PDLIM5: variants seen among roughly 807,000 people sequenced by gnomAD.
PDLIM5 encodes PDZ and LIM domain protein 5.
In PDLIM5, 34 loss-of-function variants were observed where a neutral mutation model predicts 64.2. The observed-to-expected ratio is 0.53, with a 90% CI of 0.40 to 0.71. The LOEUF is 0.71. Ranked by LOEUF, PDLIM5 falls within the 30% of genes least tolerant of loss-of-function variation. The pLI, the probability that PDLIM5 is intolerant of heterozygous loss-of-function variation, is 0.00. For synonymous variants in PDLIM5, 253 were observed against 269.1 expected (o/e 0.94, Z 0.59); for missense variants, 683 against 733.6 (o/e 0.93, Z 0.80).
At chr4:94,641,841 A>G (rs924801025) in intron 9 of PDLIM5, among the ~76,000 whole-genome samples, 12 of 152,222 alleles carry the variant, frequency 7.9e-5, no homozygotes, top group African/African-American at 2.9e-4. Context: ...AGTATTCAAC[A>G]CACAGAAGGC....
At chr4:94,641,643 A>G (rs961305521) in intron 9 of PDLIM5, among the ~76,000 whole-genome samples, 1 of 152,232 alleles carries the variant, frequency 6.6e-6, no homozygotes, top group African/African-American at 2.4e-5. Context: ...ACATTCACAC[A>G]TAAGGACAGA....
At chr4:94,470,921 A>G (rs184422800) in intron 2 of PDLIM5, among the ~76,000 whole-genome samples, 56 of 152,326 alleles carry the variant, frequency 3.7e-4, no homozygotes, top group Admixed American at 3.7e-3. Flanking sequence ...GGGAGGCCTC[A>G]TAATCATGGT....
At chr4:94,543,666 T>C (rs1732031346) in intron 3 of PDLIM5, among the ~76,000 whole-genome samples, 1 of 152,086 alleles carries the variant, frequency 6.6e-6, no homozygotes, top group Non-Finnish European at 1.5e-5. Flanking sequence ...TAGGAGATCA[T>C]GCGGTATTTG....
Position 94,573,375 on chromosome 4 carries a change from G to A in PDLIM5, c.273G>A (p.Glu91=), listed in dbSNP as rs754953767. The change falls in exon 4 of 13, where the codon GAG becomes GAA. Residue 91 remains glutamate (E), a synonymous_variant. Coordinates refer to ENST00000317968, the MANE Select transcript of PDLIM5 (RefSeq NM_006457.5). ...GAGCATCTGCTGCACCCAAGCCTGA[G>A]CCGGTTCCTGTTCAAAAGGTGTGTT... ...LQRASAAPKP[E]PVPVQKGEPK... The A allele has an allele frequency of 1.1e-5, 18 of 1,612,242 alleles. No homozygotes were observed. Among genetic ancestry groups the A allele is most frequent in the Non-Finnish European group, 1.4e-5 (17 of 1,179,054 alleles).
intron 3 of PDLIM5, among the ~76,000 whole-genome samples, chr4:94,567,118 G>T (rs1041747316): frequency 6.6e-6 from 1 of 152,132 alleles, no homozygotes; most frequent in Non-Finnish European, 1.5e-5. Flanking sequence ...TCAGCCTCCC[G>T]AGTAGCTGGG....
chr4:94,637,865 C>T (rs764480825), intron 8 of PDLIM5, among the ~76,000 whole-genome samples: 2 of 152,102 alleles, frequency 1.3e-5, no homozygotes, highest in Admixed American at 6.5e-5. Context: ...AGGAGACTTG[C>T]AATAGTCCAG....
chr4:94,459,159 A>G (rs1040812596), intron 2 of PDLIM5, among the ~76,000 whole-genome samples: 15 of 152,198 alleles, frequency 9.9e-5, no homozygotes, highest in Non-Finnish European at 4.4e-5. Flanking sequence ...CCAGTTGATA[A>G]AGATTATATA....
At chr4:94,518,706 A>G (rs535917575) in intron 2 of PDLIM5, among the ~76,000 whole-genome samples, 1 of 152,292 alleles carries the variant, frequency 6.6e-6, no homozygotes, top group South Asian at 2.1e-4. Context: ...TCTATAATTA[A>G]TCATTATTTT....
At chr4:94,607,785 G>A (rs1738046197) in intron 7 of PDLIM5, among the ~76,000 whole-genome samples, 1 of 152,098 alleles carries the variant, frequency 6.6e-6, no homozygotes, top group Admixed American at 6.6e-5. Context: ...GTCAGTGAAT[G>A]GGAATTTCCA....
intron 7 of PDLIM5, among the ~76,000 whole-genome samples, chr4:94,592,888 C>T (rs576844274): frequency 8.5e-5 from 13 of 152,222 alleles, no homozygotes; most frequent in Non-Finnish European, 1.5e-4. Context: ...CTAGGATCGT[C>T]GGTGTGAGCC....
intron 10 of PDLIM5, among the ~76,000 whole-genome samples, chr4:94,655,640 A>C (rs1742151918): frequency 6.6e-6 from 1 of 152,206 alleles, no homozygotes; most frequent in Non-Finnish European, 1.5e-5. Flanking sequence ...TTCAGACTGT[A>C]CCTTCCCAAA....
In PDLIM5 at chr4:94,465,405, A is replaced by G. The variant is rs116666209; in HGVS notation, c.96+10021A>G. On this transcript the variant is annotated intron_variant, in intron 2 of 12. Transcript: ENST00000317968. The stretch of plus-strand genomic sequence containing the variant: ...GGGAAGTGTGATTTTATTTTATTTT[A>G]GTTTTATTTTTTTGAGATGGAGTCT... Among the ~76,000 whole-genome samples the G allele has an allele frequency of 3.8e-3, 577 of 151,894 alleles. 5 individuals are homozygous for G. Among genetic ancestry groups the G allele is most frequent in the African/African-American group, 0.013 (550 of 41,434 alleles).
chr4:94,494,432 G>GGTTTTTTTTTTTTTTTT lies in PDLIM5; in HGVS notation c.97-29292_97-29291insGTTTTTTTTTTTTTTTT, dbSNP rs1553940971. Among the ~76,000 whole-genome samples, 512 of 70,762 alleles carry GGTTTTTTTTTTTTTTTT rather than the reference G, an allele frequency of 7.2e-3. 94 individuals carry two copies. The highest frequency in any genetic ancestry group is 0.015 in the East Asian group (31 of 2,036). The allele number at this position is 70,762 out of a possible 152,430, so 46.4% of individuals were successfully genotyped here. A position where few individuals can be genotyped will look rare whatever the true frequency, so the allele number is the denominator to read the frequency against. On this transcript the variant is annotated intron_variant, in intron 2 of 12. Transcript: ENST00000317968. ...AGCATTCACTAATTTTTTTTTTCTT[G>GGTTTTTTTTTTTTTTTT]TTTTTTTTTTTTTTTTTTTTTTTTG... is the stretch of plus-strand genomic sequence containing the variant.
intron 7 of PDLIM5, among the ~76,000 whole-genome samples, chr4:94,615,969 A>G (rs1483725919): frequency 2.0e-5 from 3 of 152,160 alleles, no homozygotes; most frequent in Admixed American, 6.5e-5. Flanking sequence ...CACCCAAACT[A>G]TATTAAGCTT....
chr4:94,558,320 T>C (rs1400317242), intron 3 of PDLIM5, among the ~76,000 whole-genome samples: 1 of 152,200 alleles, frequency 6.6e-6, no homozygotes, highest in Non-Finnish European at 1.5e-5. Flanking sequence ...ATTCATGCTG[T>C]TCTTTATTTT....
In PDLIM5 at chr4:94,455,279, C is replaced by A. The variant is rs1435723294; in HGVS notation, c.-10C>A. 1 of 1,559,850 alleles carries A rather than the reference C, an allele frequency of 6.4e-7. No individual in the cohort carries two copies. The highest frequency in any genetic ancestry group is 2.2e-5 in the East Asian group (1 of 44,612). Reference sequence around the variant, plus strand: ...CATTTTCTGTCATTGGACTTTGAGCCATTAGAACCATGAGCAACTACAGTG... The same window carrying A: ...CATTTTCTGTCATTGGACTTTGAGCAATTAGAACCATGAGCAACTACAGTG... On this transcript the variant is annotated 5_prime_UTR_variant, in exon 2 of 13. Coordinates refer to ENST00000317968, the MANE Select transcript of PDLIM5 (RefSeq NM_006457.5).
intron 2 of PDLIM5, among the ~76,000 whole-genome samples, chr4:94,495,222 A>C (rs1287380047): frequency 6.6e-6 from 1 of 152,130 alleles, no homozygotes; most frequent in Non-Finnish European, 1.5e-5. Context: ...AAGCTTGTTA[A>C]TTGTGATCAT....
Position 94,499,843 on chromosome 4 carries a change from T to A in PDLIM5, c.97-23881T>A, listed in dbSNP as rs557052180. ...GAGGAGCACGAACCCTATTGTGAAC[T>A]GCACGTGCAAGGGATCTGGGTTGCA... On this transcript the variant is annotated intron_variant, in intron 2 of 12. Coordinates refer to ENST00000317968, the MANE Select transcript of PDLIM5 (RefSeq NM_006457.5). 3.9e-5 allele frequency among the ~76,000 whole-genome samples: 6 copies of A among 152,292 alleles called. No homozygotes were observed. The South Asian group carries it at 1.2e-3, about 32-fold the overall frequency.
chr4:94,494,101 C>T (rs971218401), intron 2 of PDLIM5, among the ~76,000 whole-genome samples: 31 of 151,912 alleles, frequency 2.0e-4, no homozygotes, highest in Non-Finnish European at 4.0e-4. Flanking sequence ...TAGGGACTAT[C>T]AGCATGCACC....
Sources: gnomAD v4.1 joint callset for allele counts (sites outside exome capture counted in the v4.1 genomes callset) on GRCh38, gnomAD v4.1.1 for gene constraint, MANE v1.5 for transcripts, NCBI Gene and HGNC (gene_info 2026-07-23, HGNC 2026-07-21) for gene names.